The following TPO variants were observed in gnomAD, a reference collection of about 807,000 sequenced individuals.
The protein encoded by TPO is thyroid peroxidase, also known as thyroid microsomal antigen.
TPO carries 78 observed loss-of-function variants against 96.9 expected under a neutral mutation model. The ratio of observed to expected loss-of-function variants is 0.81; its 90% CI spans 0.67 to 0.97. The LOEUF (loss-of-function observed/expected upper bound fraction) is 0.97, where lower values mean the gene tolerates loss of function less well. Ranked by LOEUF, TPO falls within the 50% of genes least tolerant of loss-of-function variation. The pLI is 0.00. For synonymous variants in TPO, 547 were observed against 538.0 expected (o/e 1.02, Z -0.23); for missense variants, 1,252 against 1,274.8 (o/e 0.98, Z 0.27).
chr2:1,473,431 GGA>G (rs1304912599), intron 7 of TPO, among the ~76,000 whole-genome samples: 9 of 152,056 alleles, frequency 5.9e-5, no homozygotes, highest in Non-Finnish European at 1.0e-4. Flanking sequence ...AATACCGTGT[GGA>G]CTTGGTCATA....
chr2:1,454,506 G>T (rs892628183), intron 6 of TPO, among the ~76,000 whole-genome samples: 1 of 152,134 alleles, frequency 6.6e-6, no homozygotes, highest in East Asian at 1.9e-4. Flanking sequence ...TTCCTAGGCG[G>T]GCTTTTAGTA....
chr2:1,480,734 T>TCCCTCCTCCTTCATCC (rs1558338691), intron 8 of TPO, among the ~76,000 whole-genome samples: 15 of 55,934 alleles, frequency 2.7e-4, no homozygotes, highest in Non-Finnish European at 6.2e-4. Flanking sequence ...GTCCAAACCA[T>TCCCTCCTCCTTCATCC]GTTTCTCCTG....
intron 8 of TPO, among the ~76,000 whole-genome samples, chr2:1,483,599 G>C (rs1422255275): frequency 1.3e-5 from 2 of 152,234 alleles, no homozygotes; most frequent in Non-Finnish European, 2.9e-5. Context: ...TTTGCACGAT[G>C]AAGTCGTGCA....
At chr2:1,540,453 G>C in intron 15 of TPO, 141 bp from the exon 16 acceptor site, 1 of 1,576,840 alleles carries the variant, frequency 6.3e-7, no homozygotes, top group Non-Finnish European at 8.6e-7. Context: ...CGACTTGACT[G>C]AAGTGTGAAA....
At chr2:1,440,158 C>T (rs372591539) in intron 5 of TPO, among the ~76,000 whole-genome samples, 12 of 78,972 alleles carry the variant, frequency 1.5e-4, no homozygotes, top group African/African-American at 5.2e-4. Flanking sequence ...CAATGTGCTG[C>T]GTTTCCACCG....
intron 1 of TPO, among the ~76,000 whole-genome samples, chr2:1,391,679 CT>C (rs995722142): frequency 2.5e-4 from 38 of 152,308 alleles, no homozygotes; most frequent in African/African-American, 8.7e-4. Context: ...TTTGTGTCCT[CT>C]TTTATTTCTT....
intron 7 of TPO, among the ~76,000 whole-genome samples, chr2:1,473,709 CAT>C (rs1310278071): frequency 6.6e-6 from 1 of 151,796 alleles, no homozygotes; most frequent in African/African-American, 2.4e-5. Context: ...TTTTGTAGAT[CAT>C]GTGATTATTT....
At position 1,527,344 on chromosome 2, in the gene TPO, C is replaced by A. The variant is rs376654141; in HGVS notation, c.2618+10362C>A. 1.5e-4 allele frequency among the ~76,000 whole-genome samples: 21 copies of A among 142,364 alleles called. No individual in the cohort carries two copies. In the East Asian group the frequency reaches 5.0e-3, roughly 34 times the overall value. 93.4% of individuals were successfully genotyped at this position (142,364 alleles called of 152,430 possible). A position where few individuals can be genotyped will look rare whatever the true frequency, so the allele number is the denominator to read the frequency against. On this transcript the variant is annotated intron_variant, in intron 15 of 16. Coordinates refer to ENST00000329066, the MANE Select transcript of TPO (RefSeq NM_001206744.2). ...ACTGTGTAACCTCCCAAAATACCCC[C>A]CGTGAGCAACCTCCCCAAATCCCCG...
At position 1,540,623 on chromosome 2, in the gene TPO, C is replaced by G. The variant is rs1350844345; in HGVS notation, c.2648C>G (p.Pro883Arg). The change falls in exon 16 of 17, where the codon CCC becomes CGC. Residue 883 changes from proline (P) to arginine (R), a missense_variant. By Grantham distance (103) the Pro-to-Arg change is moderately radical. Transcript: ENST00000329066. ...CGCACTGGCACTAAATCCACACTGC[C>G]CATCTCGGAGACAGGCGGAGGAACT... ...WTRTGTKSTL[P>R]ISETGGGTPE... 3.7e-6 allele frequency: 6 copies of G among 1,613,652 alleles called. No individual in the cohort carries two copies. Among genetic ancestry groups the G allele is most frequent in the Admixed American group, 1.7e-5 (1 of 60,022 alleles).
intron 3 of TPO, among the ~76,000 whole-genome samples, chr2:1,430,790 G>A (rs1405390784): frequency 6.6e-6 from 1 of 151,472 alleles, no homozygotes; most frequent in African/African-American, 2.4e-5. Flanking sequence ...GTAGACTGGT[G>A]TGGGGCCTAT....
chr2:1,521,942 G>A (rs114816571), intron 15 of TPO, among the ~76,000 whole-genome samples: 2,403 of 152,104 alleles, frequency 0.016, 58 homozygotes, highest in African/African-American at 0.056. Flanking sequence ...ACCCAAGCCT[G>A]GCTGCCAGGC....
chr2:1,450,663 G>A (rs1410643499), intron 5 of TPO, among the ~76,000 whole-genome samples: 2 of 152,160 alleles, frequency 1.3e-5, no homozygotes, highest in Non-Finnish European at 2.9e-5. Context: ...TGACACATTT[G>A]CGGAGGGTCC....
chr2:1,380,760 A>G (rs566867307), intron 1 of TPO, among the ~76,000 whole-genome samples: 1 of 152,230 alleles, frequency 6.6e-6, no homozygotes, highest in Non-Finnish European at 1.5e-5. Context: ...CTGTTCTTGC[A>G]TTGCTATAAA....
At chr2:1,532,365 C>G (rs1332404647) in intron 15 of TPO, among the ~76,000 whole-genome samples, 1 of 93,996 alleles carries the variant, frequency 1.1e-5, no homozygotes, top group Non-Finnish European at 2.2e-5. Flanking sequence ...ACAAATACCC[C>G]CCACAGTGCG....
chr2:1,515,058 G>A (rs180860662), intron 14 of TPO, among the ~76,000 whole-genome samples: 6 of 152,248 alleles, frequency 3.9e-5, no homozygotes, highest in African/African-American at 7.2e-5. Context: ...AAATCCAGCC[G>A]GAAATGTCAA....
chr2:1,448,472 G>A (rs916636386), intron 5 of TPO, among the ~76,000 whole-genome samples: 1 of 152,134 alleles, frequency 6.6e-6, no homozygotes, highest in African/African-American at 2.4e-5. Context: ...CTGTAATGTG[G>A]GAAGAACACC....
chr2:1,479,262 G>T (rs1358689352), intron 8 of TPO, among the ~76,000 whole-genome samples: 1 of 152,234 alleles, frequency 6.6e-6, no homozygotes, highest in Non-Finnish European at 1.5e-5. Context: ...CGGCGCTCCT[G>T]TCTGCTTCCT....
chr2:1,476,931 G>A (rs969349956), intron 7 of TPO, among the ~76,000 whole-genome samples, 155 bp from the exon 8 acceptor site: 1 of 152,134 alleles, frequency 6.6e-6, no homozygotes, highest in Non-Finnish European at 1.5e-5. Flanking sequence ...GGCCGGGGGG[G>A]GAGGTGAGGG....
At chr2:1,447,294 CCAGA>C (rs1395327289) in intron 5 of TPO, among the ~76,000 whole-genome samples, 1 of 152,208 alleles carries the variant, frequency 6.6e-6, no homozygotes, top group Non-Finnish European at 1.5e-5. Context: ...GTGTCTTAAC[CCAGA>C]CAGTCTTAAG....
Sources: allele counts gnomAD v4.1 joint callset (sites outside exome capture counted in the v4.1 genomes callset), GRCh38; gene constraint gnomAD v4.1.1; transcripts MANE v1.5; gene names NCBI Gene and HGNC (gene_info 2026-07-23, HGNC 2026-07-21).